The following PLG variants were observed in gnomAD, a reference collection of about 807,000 sequenced individuals.
The protein encoded by PLG is plasmin.
PLG carries 41 observed loss-of-function variants against 104.4 expected under a neutral mutation model. The ratio of observed to expected loss-of-function variants is 0.39; its 90% CI spans 0.31 to 0.51. The LOEUF is 0.51. Ranked by LOEUF, PLG falls within the 20% of genes least tolerant of loss-of-function variation. The pLI is 0.76. For synonymous variants in PLG, 337 were observed against 357.1 expected (o/e 0.94, Z 0.63); for missense variants, 891 against 1,003.6 (o/e 0.89, Z 1.52).
At chr6:160,704,036 C>T (rs1271113174) in intron 1 of PLG, among the ~76,000 whole-genome samples, 1 of 152,228 alleles carries the variant, frequency 6.6e-6, no homozygotes, top group Non-Finnish European at 1.5e-5. Flanking sequence ...CATACACATT[C>T]ACACACCACA....
intron 10 of PLG, among the ~76,000 whole-genome samples, chr6:160,730,461 C>T (rs753720584): frequency 5.3e-5 from 8 of 152,318 alleles, no homozygotes; most frequent in Non-Finnish European, 8.8e-5. Flanking sequence ...ACACCTGATA[C>T]GGTATTGACA....
rs1387557538 is a variant in PLG, at chr6:160,724,135, A to T, written c.1256+1568A>T. ...ACTGTGATCCATAACCAGGAGAAAA[A>T]GCACTCAAAACAAATAAACCCCAAA... On this transcript the variant is annotated intron_variant, in intron 10 of 18. Transcript: ENST00000308192. The surrounding 1 kb of genome is among the most constrained non-coding windows in gnomAD (Gnocchi z 5.0). Among the ~76,000 whole-genome samples the T allele has an allele frequency of 2.0e-5, 3 of 152,234 alleles. No homozygotes were observed. Among genetic ancestry groups the T allele is most frequent in the Non-Finnish European group, 4.4e-5 (3 of 68,052 alleles).
rs576708161 is a variant in PLG, at chr6:160,725,031, A to G, written c.1256+2464A>G. Reference sequence around the variant, plus strand: ...GGAGTTTGAGACCAGCCTGACCAACATGGTGAAACCCCATCTCTACTAAAA... The same window carrying G: ...GGAGTTTGAGACCAGCCTGACCAACGTGGTGAAACCCCATCTCTACTAAAA... On this transcript the variant is annotated intron_variant, in intron 10 of 18. Transcript: ENST00000308192. This position sits in a 1 kb window ranked among gnomAD's most constrained non-coding sequence, Gnocchi z 6.3. Among the ~76,000 whole-genome samples the G allele has an allele frequency of 9.8e-5, 15 of 152,306 alleles. No homozygotes were observed. The highest frequency in any genetic ancestry group is 3.6e-4 in the African/African-American group (15 of 41,586).
rs750930821 is a variant in PLG at position 160,707,803 on chromosome 6, A to C, written c.289A>C (p.Lys97Gln). The C allele has an allele frequency of 2.1e-5, 34 of 1,608,894 alleles. No homozygotes were observed. The Admixed American group carries it at 2.2e-4, about 10-fold the overall frequency. The part of the protein sequence containing the change: ...RMRDVVLFEK[K>Q]VYLSECKTGN... ...GAGAGATGTAGTTTTATTTGAAAAG[A>C]AAGGTGAGTACATTTTCTTCCTCCT... The change falls in exon 3 of 19, where the codon AAA (lysine) becomes CAA (glutamine). Residue 97 changes from lysine (K) to glutamine (Q), a missense_variant. By Grantham distance (53) the Lys-to-Gln change is moderately conservative. Around this residue, in one of 2 missense-constraint regions of PLG, gnomAD observed 854 missense variants for 932.1 expected, o/e 0.92. Coordinates refer to ENST00000308192, the MANE Select transcript of PLG (RefSeq NM_000301.5).
intron 17 of PLG, among the ~76,000 whole-genome samples, chr6:160,747,990 T>C (rs1778305130): frequency 1.3e-5 from 2 of 152,190 alleles, no homozygotes; most frequent in Non-Finnish European, 2.9e-5. Flanking sequence ...TCCCATTTAC[T>C]GGCTGTCAGG....
At chr6:160,745,948 A>G (rs1778270051) in intron 17 of PLG, among the ~76,000 whole-genome samples, 1 of 152,224 alleles carries the variant, frequency 6.6e-6, no homozygotes, top group African/African-American at 2.4e-5. Flanking sequence ...AATATTGAAT[A>G]TAGGCCCCAA....
At position 160,725,649 on chromosome 6, in the gene PLG, A is replaced by G. The variant is rs562972771; in HGVS notation, c.1256+3082A>G. Reference sequence around the variant, plus strand: ...CATATTAAATATAAAGGGATTAAACATTGCACAGAAAAGGCAGAGATTATT... The same window carrying G: ...CATATTAAATATAAAGGGATTAAACGTTGCACAGAAAAGGCAGAGATTATT... On this transcript the variant is annotated intron_variant, in intron 10 of 18. Coordinates refer to ENST00000308192, the MANE Select transcript of PLG (RefSeq NM_000301.5). The surrounding 1 kb of genome is among the most constrained non-coding windows in gnomAD (Gnocchi z 6.3). Among the ~76,000 whole-genome samples, 1 of 152,150 alleles carries G rather than the reference A, an allele frequency of 6.6e-6. No homozygotes were observed. Among genetic ancestry groups the G allele is most frequent in the Non-Finnish European group, 1.5e-5 (1 of 68,010 alleles).
chr6:160,734,387 C>CGTG lies in PLG; in HGVS notation c.1681+301_1681+303dup, dbSNP rs1778052866. Among the ~76,000 whole-genome samples the CGTG allele has an allele frequency of 6.6e-6, 1 of 152,136 alleles. No homozygotes were observed. Among genetic ancestry groups the CGTG allele is most frequent in the South Asian group, 2.1e-4 (1 of 4,826 alleles). On this transcript the variant is annotated intron_variant, in intron 13 of 18. Transcript: ENST00000308192. This position sits in a 1 kb window ranked among gnomAD's most constrained non-coding sequence, Gnocchi z 4.4. Reference sequence around the variant, plus strand: ...TCCCACTGAATGCTGCCATGTCTAGCGTGGGATGCATGAAAAATTTAGAGT... The same window carrying CGTG: ...TCCCACTGAATGCTGCCATGTCTAGCGTGGTGGGATGCATGAAAAATTTAGAGT...
chr6:160,750,128 C>G (rs1350628048), intron 17 of PLG, among the ~76,000 whole-genome samples: 1 of 152,178 alleles, frequency 6.6e-6, no homozygotes, highest in Non-Finnish European at 1.5e-5. Context: ...TTGAAATTCT[C>G]CTGCTCTTCC....
chr6:160,709,222 T>TC (rs1196074700), intron 3 of PLG, among the ~76,000 whole-genome samples: 1 of 152,114 alleles, frequency 6.6e-6, no homozygotes. Context: ...GGTCCTTGTT[T>TC]CTTTGCTGTG....
In PLG at chr6:160,712,052, C is replaced by G; in HGVS notation, c.407+861C>G. The G allele has an allele frequency of 2.0e-5, 8 of 396,358 alleles. No individual in the cohort carries two copies. In the South Asian group the frequency reaches 2.4e-4, roughly 12 times the overall value. The allele number at this position is 396,358 out of a possible 1,614,324, so 24.6% of individuals were successfully genotyped here. On this transcript the variant is annotated intron_variant, in intron 4 of 18. Transcript: ENST00000308192. ...CCCAACACTCAACAAATTGCCTTTGCTATATCCCTATGAGATGAGCAGATC... is the reference window on the plus strand; with the variant it reads ...CCCAACACTCAACAAATTGCCTTTGGTATATCCCTATGAGATGAGCAGATC...
chr6:160,749,776 C>A lies in PLG; in HGVS notation c.2126-2339C>A, dbSNP rs560729465. Among the ~76,000 whole-genome samples the A allele has an allele frequency of 3.3e-3, 506 of 151,730 alleles. 2 individuals are homozygous for A. The highest frequency in any genetic ancestry group is 0.012 in the African/African-American group (489 of 41,338). On this transcript the variant is annotated intron_variant, in intron 17 of 18. Transcript: ENST00000308192. Reference sequence around the variant, plus strand: ...ACCATCACCATCACCACCGCCACCACCTCCATGATCATTACTACCCACCAC... The same window carrying A: ...ACCATCACCATCACCACCGCCACCAACTCCATGATCATTACTACCCACCAC...
chr6:160,730,831 A>G (rs984904081), intron 10 of PLG: 22 of 499,146 alleles, frequency 4.4e-5, no homozygotes, highest in Non-Finnish European at 7.2e-5. Context: ...AGCATATACT[A>G]CTTTTGATTT....
intron 5 of PLG, among the ~76,000 whole-genome samples, chr6:160,714,027 T>A (rs565143476): frequency 1.3e-5 from 2 of 152,354 alleles, no homozygotes; most frequent in Non-Finnish European, 1.5e-5. Context: ...CCTGTTCGAA[T>A]CACGGGGATC....
rs1211222499 is a variant in PLG, at chr6:160,732,297, C to G, written c.1587+404C>G. Among the ~76,000 whole-genome samples, 3 of 152,168 alleles carry G rather than the reference C, an allele frequency of 2.0e-5. No homozygotes were observed. Among genetic ancestry groups the G allele is most frequent in the African/African-American group, 7.2e-5 (3 of 41,440 alleles). On this transcript the variant is annotated intron_variant, in intron 12 of 18. Coordinates refer to ENST00000308192, the MANE Select transcript of PLG (RefSeq NM_000301.5). This position sits in a 1 kb window ranked among gnomAD's most constrained non-coding sequence, Gnocchi z 4.5. ...GCCATCAGGTCACCATGGGACTTCC[C>G]TTAGCCTCATGCATTCTCTGCGATG...
rs1778419543 is a variant in PLG, at chr6:160,752,467, T to C, written c.2271+207T>C. Among the ~76,000 whole-genome samples, 1 of 152,116 alleles carries C rather than the reference T, an allele frequency of 6.6e-6. No homozygotes were observed. The highest frequency in any genetic ancestry group is 2.1e-4 in the South Asian group (1 of 4,816). On this transcript the variant is annotated intron_variant, in intron 18 of 18. Coordinates refer to ENST00000308192, the MANE Select transcript of PLG (RefSeq NM_000301.5). This position sits in a 1 kb window ranked among gnomAD's most constrained non-coding sequence, Gnocchi z 4.7. Reference sequence around the variant, plus strand: ...TCTTGGGGCTTGAGTTCCAAATCAGTAGCAAGCGAGTTTTAAGTGCCATAA... The same window carrying C: ...TCTTGGGGCTTGAGTTCCAAATCAGCAGCAAGCGAGTTTTAAGTGCCATAA...
In PLG at chr6:160,739,673, G is replaced by A. The variant is rs1367564979; in HGVS notation, c.2018+465G>A. Among the ~76,000 whole-genome samples the A allele has an allele frequency of 2.6e-5, 4 of 151,080 alleles. No individual in the cohort carries two copies. The highest frequency in any genetic ancestry group is 5.9e-5 in the Non-Finnish European group (4 of 67,848). On this transcript the variant is annotated intron_variant, in intron 16 of 18. Coordinates refer to ENST00000308192, the MANE Select transcript of PLG (RefSeq NM_000301.5). The surrounding 1 kb of genome is among the most constrained non-coding windows in gnomAD (Gnocchi z 4.4). ...CTACTTGGGAGGCTGAGGCAGGAGG[G>A]TCACTTGAGTCCCGGAGTTTGAGGC...
rs1353893967 is a variant in PLG at position 160,723,483 on chromosome 6, G to A, written c.1256+916G>A. 6.6e-6 allele frequency among the ~76,000 whole-genome samples: 1 copy of A among 152,124 alleles called. No individual in the cohort carries two copies. Among genetic ancestry groups the A allele is most frequent in the East Asian group, 1.9e-4 (1 of 5,202 alleles). On this transcript the variant is annotated intron_variant, in intron 10 of 18. Transcript: ENST00000308192. This position sits in a 1 kb window ranked among gnomAD's most constrained non-coding sequence, Gnocchi z 4.7. ...TGGCTTTGTTCCTGGAGACTTCCTG[G>A]GCTGAAGAACAAGGAGATGGAGCCC...
chr6:160,718,595 C>T (rs1777782592), intron 8 of PLG, 98 bp from the exon 9 acceptor site: 1 of 1,421,328 alleles, frequency 7.0e-7, no homozygotes. Flanking sequence ...AGGAAATGAA[C>T]TTTAGCACGT....
Sources: allele counts gnomAD v4.1 joint callset (sites outside exome capture counted in the v4.1 genomes callset), GRCh38; gene constraint gnomAD v4.1.1; regional missense constraint gnomAD v4.1.1; non-coding constraint Gnocchi (gnomAD v3.1); transcripts MANE v1.5; gene names NCBI Gene and HGNC (gene_info 2026-07-23, HGNC 2026-07-21).